NRG1: variants seen among roughly 807,000 people sequenced by gnomAD.
The protein encoded by NRG1 is neuregulin 1, also known as pro-neuregulin-1, membrane-bound isoform.
NRG1 carries 18 observed loss-of-function variants against 63.8 expected under a neutral mutation model. That is an observed-to-expected ratio of 0.28 (90% CI 0.19 to 0.42). The LOEUF (loss-of-function observed/expected upper bound fraction) is 0.42. NRG1 is among the 10% of genes least tolerant of loss of function. The pLI is 1.00. For synonymous variants in NRG1, 302 were observed against 301.3 expected (o/e 1.00, Z -0.02); for missense variants, 762 against 814.7 (o/e 0.94, Z 0.79).
At chr8:32,769,145 ATATT>A, downstream of NRG1, among the ~76,000 whole-genome samples, 1 of 152,320 alleles carries the variant, frequency 6.6e-6, no homozygotes, top group Non-Finnish European at 1.5e-5. Context: ...CATGCAGAGA[ATATT>A]TAAAACTTAA....
chr8:32,309,311 A>T (rs2129475812), intron 1 of NRG1, among the ~76,000 whole-genome samples: 1 of 152,144 alleles, frequency 6.6e-6, no homozygotes, highest in Admixed American at 6.5e-5. Context: ...CTGTGGTTTT[A>T]CACCCCCCCA....
At chr8:31,705,363 T>C (rs1165878779) in intron 1 of NRG1, among the ~76,000 whole-genome samples, 3 of 152,094 alleles carry the variant, frequency 2.0e-5, no homozygotes, top group Admixed American at 2.0e-4. Flanking sequence ...TGTTTTTATT[T>C]TGTAAAACGG....
chr8:32,530,821 GT>G (rs1430357370), intron 1 of NRG1, among the ~76,000 whole-genome samples: 1 of 152,198 alleles, frequency 6.6e-6, no homozygotes, highest in Admixed American at 6.5e-5. Context: ...GCCAGGTGTG[GT>G]GGCTCACGCC....
At chr8:31,815,888 T>A (rs1473467217) in intron 1 of NRG1, among the ~76,000 whole-genome samples, 1 of 152,162 alleles carries the variant, frequency 6.6e-6, no homozygotes, top group Non-Finnish European at 1.5e-5. Flanking sequence ...ATAATTTTTA[T>A]TTGTATTTCT....
At chr8:32,764,035 T>C in exon 12 of NRG1, 1 of 1,613,812 alleles carries the variant, frequency 6.2e-7, no homozygotes, top group Middle Eastern at 1.7e-4. Flanking sequence ...CCCTTGAGGA[T>C]AGTGGAGGAT....
chr8:31,692,532 A>T (rs925881928), intron 1 of NRG1, among the ~76,000 whole-genome samples: 5 of 152,068 alleles, frequency 3.3e-5, no homozygotes, highest in African/African-American at 1.2e-4. Context: ...GGTCTGTTTG[A>T]CTCCCACCTA....
chr8:32,324,221 T>C (rs758251880), intron 1 of NRG1, among the ~76,000 whole-genome samples: 2 of 152,192 alleles, frequency 1.3e-5, no homozygotes, highest in Non-Finnish European at 2.9e-5. Context: ...CTGTGGTTTA[T>C]GGATGGGAAA....
chr8:31,923,480 C>T (rs1441921614), intron 1 of NRG1, among the ~76,000 whole-genome samples: 1 of 152,052 alleles, frequency 6.6e-6, no homozygotes, highest in African/African-American at 2.4e-5. Flanking sequence ...AAATGCATTA[C>T]TAATTGCTTT....
chr8:32,451,646 T>C (rs1199372115), intron 1 of NRG1, among the ~76,000 whole-genome samples: 1 of 152,264 alleles, frequency 6.6e-6, no homozygotes, highest in Non-Finnish European at 1.5e-5. Context: ...GAGTTGCTGA[T>C]AGCAACTCTT....
At chr8:32,694,275 A>G (rs539895014) in intron 5 of NRG1, among the ~76,000 whole-genome samples, 200 of 152,302 alleles carry the variant, frequency 1.3e-3, no homozygotes, top group Non-Finnish European at 2.4e-3. Flanking sequence ...TAGATTGCAG[A>G]TGTTCATCGT....
Position 31,886,063 on chromosome 8 carries a change from G to A in NRG1, c.37+246632G>A, listed in dbSNP as rs73671963. Among the ~76,000 whole-genome samples the A allele has an allele frequency of 1.0e-2, 1,515 of 152,128 alleles. 35 individuals are homozygous for A. The highest frequency in any genetic ancestry group is 0.034 in the African/African-American group (1,426 of 41,532). On this transcript the variant is annotated intron_variant, in intron 1 of 10. Coordinates refer to the NRG1 transcript ENST00000519301. Reference sequence around the variant, plus strand: ...GGATATGAGTAAGAATTAGTGAAGAGGGAACAATATTAAATTATTTTCCTT... The same window carrying A: ...GGATATGAGTAAGAATTAGTGAAGAAGGAACAATATTAAATTATTTTCCTT...
At chr8:31,948,776 G>A (rs1803011514) in intron 1 of NRG1, among the ~76,000 whole-genome samples, 1 of 25,780 alleles carries the variant, frequency 3.9e-5, no homozygotes, top group South Asian at 7.4e-4. Flanking sequence ...TTGGCAGCCT[G>A]TAGGTGATTC....
chr8:32,075,963 G>A (rs1159971803), intron 1 of NRG1, among the ~76,000 whole-genome samples: 4 of 152,058 alleles, frequency 2.6e-5, no homozygotes, highest in East Asian at 1.9e-4. Context: ...ATGAACCACC[G>A]CGCTCGGCCA....
chr8:32,635,540 AT>A (rs371951843), intron 5 of NRG1, among the ~76,000 whole-genome samples: 2,302 of 148,876 alleles, frequency 0.015, 49 homozygotes, highest in African/African-American at 0.052. Flanking sequence ...TTTAGCCCTG[AT>A]TTTTTTTTTT....
chr8:32,039,915 T>C (rs779689933), intron 1 of NRG1, among the ~76,000 whole-genome samples: 3 of 151,848 alleles, frequency 2.0e-5, no homozygotes, highest in South Asian at 2.1e-4. Context: ...TCCAAGCTAC[T>C]TGGGGCTGAG....
intron 1 of NRG1, among the ~76,000 whole-genome samples, chr8:32,385,322 G>A (rs952906792): frequency 1.3e-5 from 2 of 152,158 alleles, no homozygotes; most frequent in Non-Finnish European, 2.9e-5. Flanking sequence ...ACCGCGCCTG[G>A]CTGGCCTCTC....
At chr8:32,169,878 G>C (rs561040515) in intron 1 of NRG1, among the ~76,000 whole-genome samples, 60 of 152,290 alleles carry the variant, frequency 3.9e-4, no homozygotes, top group Non-Finnish European at 6.5e-4. Context: ...TTTGGAAATA[G>C]AGTCTTTGGA....
chr8:31,850,717 A>C (rs1005033174), intron 1 of NRG1, among the ~76,000 whole-genome samples: 11 of 151,736 alleles, frequency 7.2e-5, no homozygotes, highest in Non-Finnish European at 1.0e-4. Context: ...GCTCCAGGTC[A>C]CCTCCCTGTC....
At chr8:31,701,981 T>A (rs975294085) in intron 1 of NRG1, among the ~76,000 whole-genome samples, 1 of 152,128 alleles carries the variant, frequency 6.6e-6, no homozygotes, top group African/African-American at 2.4e-5. Context: ...ACCTAACCTA[T>A]TGAGTTACAA....
Sources: allele counts gnomAD v4.1 joint callset (sites outside exome capture counted in the v4.1 genomes callset), GRCh38; gene constraint gnomAD v4.1.1; transcripts MANE v1.5; gene names NCBI Gene and HGNC (gene_info 2026-07-23, HGNC 2026-07-21).